TMCO2: variants seen among roughly 807,000 people sequenced by gnomAD.
TMCO2 encodes the protein transmembrane and coiled-coil domains 2, also known as transmembrane and coiled-coil domain-containing protein 2.
In TMCO2, 15 loss-of-function variants were observed where a neutral mutation model predicts 18.0. That is an observed-to-expected ratio of 0.84 (90% CI 0.56 to 1.29). The LOEUF (loss-of-function observed/expected upper bound fraction) is 1.29. TMCO2 is among the 50% of genes most tolerant of loss of function. The pLI, the probability that TMCO2 is intolerant of heterozygous loss-of-function variation, is 0.00. For missense variants in TMCO2, 182 were observed against 200.9 expected (o/e 0.91, Z 0.57); for synonymous variants, 79 against 75.9 (o/e 1.04, Z -0.21).
At chr1:40,248,507 T>G (rs1643356292) in intron 1 of TMCO2, among the ~76,000 whole-genome samples, 1 of 152,212 alleles carries the variant, frequency 6.6e-6, no homozygotes, top group Non-Finnish European at 1.5e-5. Flanking sequence ...CTCAAAAATT[T>G]TTGATCACTT....
chr1:40,250,668 T>G (rs1450428320), intron 1 of TMCO2, among the ~76,000 whole-genome samples: 2 of 152,200 alleles, frequency 1.3e-5, no homozygotes, highest in Admixed American at 1.3e-4. Flanking sequence ...AGGTATATAG[T>G]TATCCAGTTG....
rs760309211 is a variant in TMCO2 at position 40,251,524 on chromosome 1, CT to C, written c.480del (p.Glu161SerfsTer25). ...CCTGCCACGAAGAGGGATTGCTCCT[CT>C]GAGCCCTACTGCAGCTGCTCTGACT... is the stretch of plus-strand genomic sequence containing the variant. ...QKPATKRDCS[S>X]EPYCSCSDCQ... On this transcript the variant is annotated frameshift_variant, in exon 2 of 2. Coordinates refer to ENST00000372766, the MANE Select transcript of TMCO2 (RefSeq NM_001008740.4). LOFTEE classifies it high-confidence loss of function. The C allele has an allele frequency of 1.8e-4, 292 of 1,613,840 alleles. No homozygotes were observed. Among genetic ancestry groups the C allele is most frequent in the Non-Finnish European group, 3.9e-5 (46 of 1,180,012 alleles).
Position 40,248,103 on chromosome 1 carries a change from A to T in TMCO2, c.110A>T (p.Gln37Leu), listed in dbSNP as rs1031321058. Residue 37 changes from glutamine (Q) to leucine (L), a missense_variant, in exon 1 of 2, where the codon CAG (glutamine) becomes CTG (leucine). By Grantham distance (113) the Gln-to-Leu change is moderately radical. Coordinates refer to ENST00000372766, the MANE Select transcript of TMCO2 (RefSeq NM_001008740.4). ...ASFLGETSAPQQTSLGLLDNL... is the reference protein window; with the variant it reads ...ASFLGETSAPLQTSLGLLDNL... ...TTTTTGGGAGAGACTAGTGCACCTC[A>T]GCAAACAAGTTTGGGACTATTAGAT... 4 of 1,614,226 alleles carry T rather than the reference A, an allele frequency of 2.5e-6. 1 individual carries two copies. The South Asian group carries it at 4.4e-5, about 18-fold the overall frequency.
chr1:40,247,981 G>C lies in TMCO2; in HGVS notation c.-13G>C. Reference sequence around the variant, plus strand: ...TTCTGCACATGTAGTTCCTAGAGCTGCTGCTTATTAAAATGTCAACATCTT... The same window carrying C: ...TTCTGCACATGTAGTTCCTAGAGCTCCTGCTTATTAAAATGTCAACATCTT... On this transcript the variant is annotated 5_prime_UTR_variant, in exon 1 of 2. Transcript: ENST00000372766. 6.2e-7 allele frequency: 1 copy of C among 1,604,510 alleles called. No homozygotes were observed. The highest frequency in any genetic ancestry group is 8.5e-7 in the Non-Finnish European group (1 of 1,171,380).
At chr1:40,250,586 A>G (rs796603742) in intron 1 of TMCO2, among the ~76,000 whole-genome samples, 23 of 152,278 alleles carry the variant, frequency 1.5e-4, no homozygotes, top group African/African-American at 4.1e-4. Context: ...GGAAGTGTGA[A>G]TTTCTGGATT....
At chr1:40,250,148 C>T (rs1218675059) in intron 1 of TMCO2, among the ~76,000 whole-genome samples, 2 of 151,668 alleles carry the variant, frequency 1.3e-5, no homozygotes, top group Admixed American at 1.3e-4. Flanking sequence ...AGGCATGCAC[C>T]ACCAGGCTTG....
In TMCO2 at chr1:40,251,658, C is replaced by T; in HGVS notation, c.*64C>T. On this transcript the variant is annotated 3_prime_UTR_variant, in exon 2 of 2. Coordinates refer to ENST00000372766, the MANE Select transcript of TMCO2 (RefSeq NM_001008740.4). Reference sequence around the variant, plus strand: ...TTCCCTCATGTGTGCAGTGGTGTATCAATAAAGATAGAGAACGCTATTGAA... The same window carrying T: ...TTCCCTCATGTGTGCAGTGGTGTATTAATAAAGATAGAGAACGCTATTGAA... 6.6e-7 allele frequency: 1 copy of T among 1,517,908 alleles called. No homozygotes were observed. Among genetic ancestry groups the T allele is most frequent in the Non-Finnish European group, 8.9e-7 (1 of 1,118,134 alleles). The allele number at this position is 1,517,908 out of a possible 1,614,324, so 94.0% of individuals were successfully genotyped here.
Position 40,251,302 on chromosome 1 carries a change from T to C in TMCO2, c.257T>C (p.Ile86Thr), listed in dbSNP as rs1643381653. The part of the protein sequence containing the change: ...QSIQKTLLFV[I>T]TLYKLYKKGS... ...TTTTAGAAAACATTGTTGTTTGTAATCACACTCTACAAACTTTACAAGAAG... is the reference window on the plus strand; with the variant it reads ...TTTTAGAAAACATTGTTGTTTGTAACCACACTCTACAAACTTTACAAGAAG... Residue 86 changes from isoleucine (I) to threonine (T), a missense_variant, in exon 2 of 2, where the codon ATC becomes ACC. Transcript: ENST00000372766. The C allele has an allele frequency of 6.2e-7, 1 of 1,611,388 alleles. No individual in the cohort carries two copies. The highest frequency in any genetic ancestry group is 2.2e-5 in the East Asian group (1 of 44,878).
At chr1:40,248,448 G>A (rs530649855) in intron 1 of TMCO2, among the ~76,000 whole-genome samples, 5 of 152,274 alleles carry the variant, frequency 3.3e-5, no homozygotes, top group South Asian at 2.1e-4. Context: ...CTTGTCTTCT[G>A]TAATAAAATA....
At chr1:40,248,605 C>G (rs773488367) in intron 1 of TMCO2, among the ~76,000 whole-genome samples, 12 of 152,144 alleles carry the variant, frequency 7.9e-5, no homozygotes, top group Non-Finnish European at 1.3e-4. Flanking sequence ...TGCCATTGTT[C>G]TGTAACTGAT....
chr1:40,249,202 C>A (rs1424401864), intron 1 of TMCO2, among the ~76,000 whole-genome samples: 1 of 149,972 alleles, frequency 6.7e-6, no homozygotes, highest in Non-Finnish European at 1.5e-5. Flanking sequence ...AAATTCAGTT[C>A]TTCTCCAAAA....
chr1:40,251,136 CAAA>C (rs59384076), intron 1 of TMCO2, 144 bp from the exon 2 acceptor site: 949 of 417,348 alleles, frequency 2.3e-3, no homozygotes, highest in East Asian at 2.5e-3. Context: ...AACTCCATCT[CAAA>C]AAAAAAAAAA....
In TMCO2 at chr1:40,251,308, T is replaced by G; in HGVS notation, c.263T>G (p.Leu88Arg). ...IQKTLLFVIT[L>R]YKLYKKGSHI... ...AAAACATTGTTGTTTGTAATCACAC[T>G]CTACAAACTTTACAAGAAGGGCTCA... Residue 88 changes from leucine (L) to arginine (R), a missense_variant, in exon 2 of 2, where the codon CTC (leucine) becomes CGC (arginine). By Grantham distance (102) the Leu-to-Arg change is moderately radical. Transcript: ENST00000372766. 6.2e-7 allele frequency: 1 copy of G among 1,612,128 alleles called. No individual in the cohort carries two copies.
chr1:40,249,995 TA>T (rs1235160914), intron 1 of TMCO2, among the ~76,000 whole-genome samples: 1 of 151,690 alleles, frequency 6.6e-6, no homozygotes, highest in Non-Finnish European at 1.5e-5. Flanking sequence ...TTTTATTTTT[TA>T]TTTTTTTTTT....
intron 1 of TMCO2, among the ~76,000 whole-genome samples, chr1:40,250,213 G>A (rs543849383): frequency 5.0e-4 from 76 of 151,816 alleles, no homozygotes; most frequent in African/African-American, 1.8e-3. Context: ...TCACTATGTT[G>A]CTCAGGCTGG....
intron 1 of TMCO2, among the ~76,000 whole-genome samples, chr1:40,248,690 T>C (rs1161680632): frequency 1.3e-5 from 2 of 152,212 alleles, no homozygotes; most frequent in Non-Finnish European, 2.9e-5. Flanking sequence ...CATAAGTATA[T>C]AGGAGCTCTT....
In TMCO2 at chr1:40,248,030, T is replaced by G. The variant is rs1394080348; in HGVS notation, c.37T>G (p.Leu13Val). ...TSSSSSWDNL[L>V]ESLSLSTVWN... ...TTCATCTTCTAGCTGGGACAACCTCTTAGAGTCTCTCTCTCTCAGCACAGT... is the reference window on the plus strand; with the variant it reads ...TTCATCTTCTAGCTGGGACAACCTCGTAGAGTCTCTCTCTCTCAGCACAGT... The change falls in exon 1 of 2, where the codon TTA becomes GTA. Residue 13 changes from leucine to valine, a missense_variant. Transcript: ENST00000372766. 20 of 1,614,208 alleles carry G rather than the reference T, an allele frequency of 1.2e-5. No individual in the cohort carries two copies. The highest frequency in any genetic ancestry group is 1.7e-5 in the Non-Finnish European group (20 of 1,180,026).
chr1:40,248,256 T>A, intron 1 of TMCO2, 26 bp downstream of exon 1: 1 of 1,563,714 alleles, frequency 6.4e-7, no homozygotes, highest in Non-Finnish European at 8.8e-7. Context: ...TACAAACATT[T>A]ATATAGTTAT....
intron 1 of TMCO2, among the ~76,000 whole-genome samples, chr1:40,249,315 A>C (rs1431973368): frequency 1.3e-5 from 2 of 148,360 alleles, no homozygotes; most frequent in Non-Finnish European, 3.0e-5. Context: ...GCGCATGCGC[A>C]TATATATGTG....
Sources: gnomAD v4.1 joint callset for allele counts (sites outside exome capture counted in the v4.1 genomes callset) on GRCh38, gnomAD v4.1.1 for gene constraint, MANE v1.5 for transcripts, NCBI Gene and HGNC (gene_info 2026-07-23, HGNC 2026-07-21) for gene names.